The following COL11A1 variants were observed in gnomAD, a reference collection of about 807,000 sequenced individuals.
COL11A1 encodes the protein collagen alpha-1(XI) chain.
Under a neutral mutation model 265.2 loss-of-function variants are expected in COL11A1, and 74 were observed. The observed-to-expected ratio is 0.28, with a 90% CI of 0.23 to 0.34. COL11A1 has a LOEUF of 0.34. COL11A1 is among the 10% of genes least tolerant of loss of function. The pLI is 1.00. For missense variants in COL11A1, 2,165 were observed against 2,263.6 expected, an observed-to-expected ratio of 0.96 and a Z score of 0.88; for synonymous variants, 816 against 727.6, an observed-to-expected ratio of 1.12 and a Z score of -1.96.
At chr1:103,032,959 C>T (rs1221938314) in intron 4 of COL11A1, among the ~76,000 whole-genome samples, 1 of 152,058 alleles carries the variant, frequency 6.6e-6, no homozygotes, top group South Asian at 2.1e-4. Context: ...CTTGTCCAAC[C>T]ATCACTACTA....
intron 56 of COL11A1, 122 bp from the exon 57 acceptor site, chr1:102,898,300 T>C (rs1381139485): frequency 1.3e-5 from 5 of 394,582 alleles, no homozygotes; most frequent in Non-Finnish European, 2.1e-5. Context: ...AGTTCCACCA[T>C]ATGGAGGACA....
chr1:102,943,461 A>ACC (rs1658947144), intron 42 of COL11A1, among the ~76,000 whole-genome samples: 1 of 96,170 alleles, frequency 1.0e-5, no homozygotes, highest in African/African-American at 3.2e-5. Flanking sequence ...ATACACACAC[A>ACC]CACACACACA....
chr1:102,979,648 TTA>T (rs1402811610), intron 31 of COL11A1: 1 of 639,156 alleles, frequency 1.6e-6, no homozygotes, highest in African/African-American at 1.8e-5. Context: ...ATAAAACATT[TTA>T]GTTTTTAACC....
At chr1:102,913,821 T>G in intron 52 of COL11A1, 131 bp from the exon 53 acceptor site, 1 of 858,822 alleles carries the variant, frequency 1.2e-6, no homozygotes, top group Non-Finnish European at 1.9e-6. Flanking sequence ...ATCATTATAT[T>G]CTTTTAACCT....
At chr1:103,002,212 C>A (rs1481143434) in intron 23 of COL11A1, among the ~76,000 whole-genome samples, 1 of 152,016 alleles carries the variant, frequency 6.6e-6, no homozygotes, top group African/African-American at 2.4e-5. Context: ...TCCTGGCATT[C>A]CCTAAACATT....
chr1:102,957,450 T>C (rs1000601471), intron 41 of COL11A1, among the ~76,000 whole-genome samples: 4 of 152,056 alleles, frequency 2.6e-5, no homozygotes, highest in African/African-American at 7.2e-5. Context: ...AGGGAATTTA[T>C]TATTTCCCTA....
chr1:103,054,979 A>G (rs767508496), intron 4 of COL11A1, among the ~76,000 whole-genome samples: 3 of 152,202 alleles, frequency 2.0e-5, no homozygotes, highest in Non-Finnish European at 4.4e-5. Context: ...GTATTTTACA[A>G]ACATTAATTT....
Position 103,061,271 on chromosome 1 carries a change from G to A in COL11A1, c.651+13347C>T, listed in dbSNP as rs189215629. 2.7e-3 allele frequency among the ~76,000 whole-genome samples: 416 copies of A among 152,192 alleles called. 1 individual carries two copies. The highest frequency in any genetic ancestry group is 0.01 in the Middle Eastern group (3 of 294). On this transcript the variant is annotated intron_variant, in intron 4 of 66. Coordinates refer to ENST00000370096, the MANE Select transcript of COL11A1 (RefSeq NM_001854.4). ...CATGAAGCAAAATCTAATAGATATG[G>A]AAGGAAAAATAGATGAATCCACTAT... is the stretch of plus-strand genomic sequence containing the variant.
chr1:103,030,240 T>G (rs1321112231), intron 5 of COL11A1, among the ~76,000 whole-genome samples: 1 of 152,076 alleles, frequency 6.6e-6, no homozygotes, highest in Non-Finnish European at 1.5e-5. Flanking sequence ...TTACCCTGTT[T>G]TTTAAACAAA....
intron 15 of COL11A1, among the ~76,000 whole-genome samples, chr1:103,007,335 T>C (rs1244160563): frequency 6.6e-6 from 1 of 152,152 alleles, no homozygotes; most frequent in African/African-American, 2.4e-5. Flanking sequence ...TTCGTGGGGA[T>C]CGATATACAT....
chr1:102,896,762 C>T (rs1652488949), intron 57 of COL11A1, among the ~76,000 whole-genome samples: 1 of 152,128 alleles, frequency 6.6e-6, no homozygotes. Flanking sequence ...AGGAAATCTC[C>T]AGCATGGTGC....
At chr1:102,999,073 T>G (rs1241451171) in intron 24 of COL11A1, among the ~76,000 whole-genome samples, 1 of 151,854 alleles carries the variant, frequency 6.6e-6, no homozygotes, top group Non-Finnish European at 1.5e-5. Flanking sequence ...AATATTAAAT[T>G]TATCAAGTTC....
chr1:102,896,182 T>C (rs887476984), intron 57 of COL11A1, among the ~76,000 whole-genome samples: 6 of 147,566 alleles, frequency 4.1e-5, no homozygotes, highest in Non-Finnish European at 8.9e-5. Flanking sequence ...GCTAGCAATA[T>C]TCCCATTTTA....
intron 54 of COL11A1, among the ~76,000 whole-genome samples, chr1:102,905,914 A>G (rs1485954760): frequency 6.6e-6 from 1 of 152,218 alleles, no homozygotes; most frequent in African/African-American, 2.4e-5. Flanking sequence ...AGCAAAATCA[A>G]CAATAAACAA....
chr1:102,990,287 T>A (rs562742335), intron 28 of COL11A1, among the ~76,000 whole-genome samples: 1 of 152,128 alleles, frequency 6.6e-6, no homozygotes, highest in Non-Finnish European at 1.5e-5. Context: ...ATGAATAAAA[T>A]GATTTTCCCT....
At chr1:102,892,322 G>T (rs1483007441) in intron 57 of COL11A1, among the ~76,000 whole-genome samples, 1 of 152,098 alleles carries the variant, frequency 6.6e-6, no homozygotes, top group African/African-American at 2.4e-5. Flanking sequence ...GCTACCATGA[G>T]TAATATTTTC....
intron 46 of COL11A1, among the ~76,000 whole-genome samples, chr1:102,926,663 C>T (rs1375000738): frequency 1.3e-5 from 2 of 151,984 alleles, no homozygotes; most frequent in African/African-American, 4.8e-5. Flanking sequence ...CACATTTCTT[C>T]GTGAAAATGA....
intron 4 of COL11A1, among the ~76,000 whole-genome samples, chr1:103,057,998 A>T (rs1244158803): frequency 6.6e-6 from 1 of 152,144 alleles, no homozygotes; most frequent in African/African-American, 2.4e-5. Context: ...CCAGGCATTG[A>T]TTTCTGTTCT....
Position 102,934,438 on chromosome 1 carries a change from G to T in COL11A1, c.3600+11C>A. 1 of 1,562,716 alleles carries T rather than the reference G, an allele frequency of 6.4e-7. No individual in the cohort carries two copies. Among genetic ancestry groups the T allele is most frequent in the Non-Finnish European group, 8.8e-7 (1 of 1,133,120 alleles). ...GAAATGATGGAGTAAACAATGACAG[G>T]ATCATCTTACCTGAAGACCTATTGG... On this transcript the variant is annotated intron_variant, in intron 46 of 66. Transcript: ENST00000370096.
Sources: gnomAD v4.1 joint callset for allele counts (sites outside exome capture counted in the v4.1 genomes callset) on GRCh38, gnomAD v4.1.1 for gene constraint, MANE v1.5 for transcripts, NCBI Gene and HGNC (gene_info 2026-07-23, HGNC 2026-07-21) for gene names.